The following SRSF2 variants were observed in gnomAD, a reference collection of about 807,000 sequenced individuals.
SRSF2 encodes the protein serine/arginine-rich splicing factor 2.
A neutral mutation model predicts 15.7 loss-of-function variants in SRSF2; 4 were observed. The ratio of observed to expected loss-of-function variants is 0.26; its 90% CI spans 0.13 to 0.58. The LOEUF is 0.58. Among genes scored for constraint, SRSF2 ranks in the 20% least tolerant of loss-of-function variants. The probability of loss-of-function intolerance (pLI) is 0.90; values close to 1 mark genes in which losing one functional copy is unlikely to be tolerated. For synonymous variants in SRSF2, 192 were observed against 138.9 expected, an observed-to-expected ratio of 1.38 and a Z score of -2.69; for missense variants, 147 against 332.4, an observed-to-expected ratio of 0.44 and a Z score of 4.34.
At chr17:76,736,054 T>C in intron 2 of SRSF2, 100 bp downstream of exon 2, 1 of 1,239,372 alleles carries the variant, frequency 8.1e-7, no homozygotes, top group Non-Finnish European at 1.1e-6. Flanking sequence ...GCAGCACTCC[T>C]AATGATAGGA....
At position 76,736,879 on chromosome 17, in the gene SRSF2, G is replaced by C; in HGVS notation, c.282C>G (p.Arg94=). Residue 94 remains arginine (R), a synonymous_variant, in exon 1 of 3, where the codon CGC becomes CGG. Transcript: ENST00000359995. The part of the protein sequence containing the change: ...ELRVQMARYG[R]PPDSHHSRRG... ...GGCGGCTGTGGTGTGAGTCCGGGGGGCGGCCGTAGCGCGCCATTTGCACCC... is the reference window on the plus strand; with the variant it reads ...GGCGGCTGTGGTGTGAGTCCGGGGGCCGGCCGTAGCGCGCCATTTGCACCC... The C allele has an allele frequency of 6.2e-7, 1 of 1,611,516 alleles. No homozygotes were observed. Among genetic ancestry groups the C allele is most frequent in the East Asian group, 2.2e-5 (1 of 44,844 alleles).
intron 1 of SRSF2, 75 bp from the exon 2 acceptor site, chr17:76,736,539 C>A: frequency 6.7e-7 from 1 of 1,497,434 alleles, no homozygotes; most frequent in Non-Finnish European, 8.9e-7. Context: ...CGCTCCCGCC[C>A]AGGCCGCCAT....
In SRSF2 at chr17:76,736,745, C is replaced by A; in HGVS notation, c.362+54G>T. 2.9e-6 allele frequency: 4 copies of A among 1,392,188 alleles called. No homozygotes were observed. The South Asian group carries it at 4.8e-5, about 17-fold the overall frequency. The allele number at this position is 1,392,188 out of a possible 1,614,324, so 86.2% of individuals were successfully genotyped here. On this transcript the variant is annotated intron_variant, in intron 1 of 2. Coordinates refer to ENST00000359995, the MANE Select transcript of SRSF2 (RefSeq NM_001195427.2). ...CGCCGCGGACCTTTGTGAGGTCGCC[C>A]GGGCCTCCCGCGCGCCCCGCCCCGC...
At chr17:76,736,538 C>T (rs761166094) in intron 1 of SRSF2, 74 bp from the exon 2 acceptor site, 4 of 1,496,490 alleles carry the variant, frequency 2.7e-6, no homozygotes, top group Non-Finnish European at 3.6e-6. Flanking sequence ...GCGCTCCCGC[C>T]CAGGCCGCCA....
rs756763573 is a variant in SRSF2 at position 76,736,960 on chromosome 17, G to A, written c.201C>T (p.Asp67=). 4.3e-6 allele frequency: 7 copies of A among 1,613,476 alleles called. No homozygotes were observed. The highest frequency in any genetic ancestry group is 1.1e-5 in the South Asian group (1 of 91,086). The change falls in exon 1 of 3, where the codon GAC becomes GAT. Residue 67 remains aspartate, a synonymous_variant. Transcript: ENST00000359995. ...FAFVRFHDKR[D]AEDAMDAMDG... ...CCATGGCATCCATAGCGTCCTCAGC[G>A]TCGCGCTTGTCGTGAAAGCGAACGA...
chr17:76,735,470 T>C (rs2077416724), intron 2 of SRSF2: 2 of 227,710 alleles, frequency 8.8e-6, no homozygotes, highest in East Asian at 1.3e-4. Context: ...TATATTTCAT[T>C]AAGATAAATT....
At chr17:76,735,411 A>G (rs2077412379) in intron 2 of SRSF2, 1 of 224,394 alleles carries the variant, frequency 4.5e-6, no homozygotes, top group Admixed American at 5.7e-5. Context: ...AAAAGAAAAA[A>G]AAAAGGGCTG....
rs1176463751 is a variant in SRSF2 at position 76,736,972 on chromosome 17, G to A, written c.189C>T (p.His63=). 11 of 1,613,542 alleles carry A rather than the reference G, an allele frequency of 6.8e-6. No homozygotes were observed. The South Asian group carries it at 1.2e-4, about 18-fold the overall frequency. The change falls in exon 1 of 3, where the codon CAC becomes CAT. Residue 63 remains histidine, a synonymous_variant. Transcript: ENST00000359995. Reference sequence around the variant, plus strand: ...TAGCGTCCTCAGCGTCGCGCTTGTCGTGAAAGCGAACGAAGGCGAAGCCGC... The same window carrying A: ...TAGCGTCCTCAGCGTCGCGCTTGTCATGAAAGCGAACGAAGGCGAAGCCGC... The part of the protein sequence containing the change: ...ESRGFAFVRF[H]DKRDAEDAMD...
At chr17:76,736,670 G>T in intron 1 of SRSF2, 129 bp downstream of exon 1, 2 of 1,220,704 alleles carry the variant, frequency 1.6e-6, no homozygotes, top group Non-Finnish European at 2.1e-6. Flanking sequence ...CCGGAGGGTC[G>T]CGAGACGCGG....
At position 76,734,732 on chromosome 17, in the gene SRSF2, T is replaced by G. The variant is rs961360083; in HGVS notation, c.*434A>C. On this transcript the variant is annotated 3_prime_UTR_variant, in exon 3 of 3. Coordinates refer to ENST00000359995, the MANE Select transcript of SRSF2 (RefSeq NM_001195427.2). Reference sequence around the variant, plus strand: ...ACAAATTTACACCAACTTTTGTAGGTTTTTAATTTTAAGGAATGAAGGCAA... The same window carrying G: ...ACAAATTTACACCAACTTTTGTAGGGTTTTAATTTTAAGGAATGAAGGCAA... The G allele has an allele frequency of 3.4e-5, 8 of 236,280 alleles. No homozygotes were observed. Among genetic ancestry groups the G allele is most frequent in the Admixed American group, 2.3e-4 (4 of 17,424 alleles). 14.6% of individuals were successfully genotyped at this position (236,280 alleles called of 1,614,324 possible).
At position 76,734,362 on chromosome 17, in the gene SRSF2, C is replaced by T. The variant is rs527632466; in HGVS notation, c.*804G>A. On this transcript the variant is annotated 3_prime_UTR_variant, in exon 3 of 3. Transcript: ENST00000359995. ...AGCTAGATGTGCTCACTGTATGCTC[C>T]GTTATTTATATGCAAGGCCCGGGTG... The T allele has an allele frequency of 4.2e-6, 1 of 240,886 alleles. No individual in the cohort carries two copies. The highest frequency in any genetic ancestry group is 6.3e-5 in the East Asian group (1 of 15,862). The allele number at this position is 240,886 out of a possible 1,614,324, so 14.9% of individuals were successfully genotyped here.
rs1262165707 is a variant in SRSF2 at position 76,735,122 on chromosome 17, T to A, written c.*44A>T. On this transcript the variant is annotated 3_prime_UTR_variant, in exon 3 of 3. Transcript: ENST00000359995. ...CTTCGATGGACTATGTGGTCCTTTT[T>A]CCCCAAGTCCTCCGTTTACACTGCT... 1.8e-5 allele frequency: 4 copies of A among 219,196 alleles called. No individual in the cohort carries two copies. The highest frequency in any genetic ancestry group is 3.7e-5 in the Non-Finnish European group (4 of 109,092). 13.6% of individuals were successfully genotyped at this position (219,196 alleles called of 1,614,324 possible).
intron 1 of SRSF2, 69 bp from the exon 2 acceptor site, chr17:76,736,533 C>A (rs2077484461): frequency 6.7e-7 from 1 of 1,502,556 alleles, no homozygotes; most frequent in Non-Finnish European, 8.9e-7. Flanking sequence ...CCCGCGCGCT[C>A]CCGCCCAGGC....
chr17:76,735,390 G>A (rs2077409837), intron 2 of SRSF2: 2 of 216,014 alleles, frequency 9.3e-6, no homozygotes, highest in East Asian at 6.8e-5. Context: ...GAAAGGTAAG[G>A]GGAAGAAAAA....
chr17:76,736,663 G>C (rs548868861), intron 1 of SRSF2, 136 bp downstream of exon 1: 2 of 1,207,412 alleles, frequency 1.7e-6, no homozygotes, highest in South Asian at 2.3e-5. Flanking sequence ...GGGGTGGCCG[G>C]AGGGTCGCGA....
At position 76,736,436 on chromosome 17, in the gene SRSF2, G is replaced by A; in HGVS notation, c.391C>T (p.Arg131Trp). The part of the protein sequence containing the change: ...SPRRRRRSRS[R>W]SRSRSRSRSR... ...CGAGACCTGGAACGACTCCGACTCC[G>A]GGATCGGCTGCGGCGACGCCGCCTA... is the stretch of plus-strand genomic sequence containing the variant. The change falls in exon 2 of 3, where the codon CGG (arginine) becomes TGG (tryptophan). Residue 131 changes from arginine (R) to tryptophan (W), a missense_variant. Arg to Trp is a moderately radical substitution (Grantham distance 101). This residue lies in a region of SRSF2 where 125 missense variants were observed against 185.1 expected (regional missense o/e 0.68). Coordinates refer to ENST00000359995, the MANE Select transcript of SRSF2 (RefSeq NM_001195427.2). 6.2e-7 allele frequency: 1 copy of A among 1,613,024 alleles called. No individual in the cohort carries two copies. Among genetic ancestry groups the A allele is most frequent in the African/African-American group, 1.3e-5 (1 of 75,072 alleles).
At chr17:76,736,118 A>C (rs2077453050) in intron 2 of SRSF2, 36 bp downstream of exon 2, 1 of 1,540,544 alleles carries the variant, frequency 6.5e-7, no homozygotes, top group Non-Finnish European at 8.8e-7. Flanking sequence ...CCCATTTATG[A>C]ATTAGGGTTA....
In SRSF2 at chr17:76,737,277, T is replaced by G; in HGVS notation, c.-117A>C. 2 of 1,378,600 alleles carry G rather than the reference T, an allele frequency of 1.5e-6. No homozygotes were observed. Among genetic ancestry groups the G allele is most frequent in the South Asian group, 1.5e-5 (1 of 67,710 alleles). 85.4% of individuals were successfully genotyped at this position (1,378,600 alleles called of 1,614,324 possible). A position where few individuals can be genotyped will look rare whatever the true frequency, so the allele number is the denominator to read the frequency against. ...CCGCGTGGGGACACTGGGAAAGGCC[T>G]TGCCGCAGAACAGCACGGACGGGCT... On this transcript the variant is annotated 5_prime_UTR_variant, in exon 1 of 3. Transcript: ENST00000359995.
chr17:76,736,619 G>C, intron 1 of SRSF2, 155 bp from the exon 2 acceptor site: 1 of 1,148,820 alleles, frequency 8.7e-7, no homozygotes, highest in Non-Finnish European at 1.1e-6. Flanking sequence ...CCCACACCCC[G>C]GCCACTCCCG....
Sources: gnomAD v4.1 joint callset for allele counts on GRCh38, gnomAD v4.1.1 for gene constraint, gnomAD v4.1.1 regional missense constraint, MANE v1.5 for transcripts, NCBI Gene and HGNC (gene_info 2026-07-23, HGNC 2026-07-21) for gene names.